The following IDI2 variants were observed in gnomAD, a reference collection of about 807,000 sequenced individuals.
IDI2 encodes isopentenyl-diphosphate delta-isomerase 2.
A neutral mutation model predicts 14.8 loss-of-function variants in IDI2; 18 were observed. That is an observed-to-expected ratio of 1.22 (90% CI 0.84 to 1.80). The LOEUF is 1.80. IDI2 is among the 40% of genes most tolerant of loss of function. IDI2 has a pLI of 0.00. For synonymous variants in IDI2, 133 were observed against 109.6 expected (o/e 1.21, Z -1.33); for missense variants, 316 against 283.2 (o/e 1.12, Z -0.83).
Position 1,022,752 on chromosome 10 carries a change from C to A in IDI2, c.166G>T (p.Val56Phe), listed in dbSNP as rs746906105. The A allele has an allele frequency of 6.2e-7, 1 of 1,613,928 alleles. No individual in the cohort carries two copies. Among genetic ancestry groups the A allele is most frequent in the East Asian group, 2.2e-5 (1 of 44,892 alleles). The change falls in exon 3 of 5, where the codon GTT becomes TTT. Residue 56 changes from valine (V) to phenylalanine (F), a missense_variant. Transcript: ENST00000277517. ...CGATTCTTGGTGTTAAACAAGACAA[C>A]GCTGAAGGCTCGGTGCAGCAGCCCT... Reference protein sequence around the residue: ...EKGLLHRAFSVVLFNTKNRIL... With the variant: ...EKGLLHRAFSFVLFNTKNRIL...
rs1352258987 is a variant in IDI2, at chr10:1,022,779, C to T, written c.143-4G>A. On this transcript the variant is annotated splice_region_variant and splice_polypyrimidine_tract_variant and intron_variant, in intron 2 of 4. Coordinates refer to ENST00000277517, the MANE Select transcript of IDI2 (RefSeq NM_033261.3). Reference sequence around the variant, plus strand: ...CTGAAGGCTCGGTGCAGCAGCCCTGCAAAGGTAAGTGCCATTTGTGTGAGT... The same window carrying T: ...CTGAAGGCTCGGTGCAGCAGCCCTGTAAAGGTAAGTGCCATTTGTGTGAGT... 6.2e-7 allele frequency: 1 copy of T among 1,611,722 alleles called. No individual in the cohort carries two copies. The highest frequency in any genetic ancestry group is 8.5e-7 in the Non-Finnish European group (1 of 1,177,856).
Position 1,019,803 on chromosome 10 carries a change from A to T in IDI2, c.398T>A (p.Ile133Asn). 3 of 1,614,044 alleles carry T rather than the reference A, an allele frequency of 1.9e-6. No homozygotes were observed. The highest frequency in any genetic ancestry group is 2.5e-6 in the Non-Finnish European group (3 of 1,179,918). The change falls in exon 5 of 5, where the codon ATC becomes AAC. Residue 133 changes from isoleucine (I) to asparagine (N), a missense_variant. Physicochemically the swap from Ile to Asn is moderately radical, Grantham distance 149 (BLOSUM62 -3). Transcript: ENST00000277517. ...GTCTGATTTTGCCTTGTGGTGATAG[A>T]TTGTCATGAACACAATGTCCTCTGG... Reference protein sequence around the residue: ...ISPEDIVFMTIYHHKAKSDRI... With the variant: ...ISPEDIVFMTNYHHKAKSDRI...
In IDI2 at chr10:1,024,706, A is replaced by G; in HGVS notation, c.18T>C (p.Leu6=). The G allele has an allele frequency of 6.2e-7, 1 of 1,614,220 alleles. No individual in the cohort carries two copies. The highest frequency in any genetic ancestry group is 1.1e-5 in the South Asian group (1 of 91,084). MSDIN[L]DWVDRRQLQR... ...GCAACTGACGCCTGTCAACCCAGTC[A>G]AGATTTATGTCAGACATAGCTGCTG... The change falls in exon 2 of 5, where the codon CTT becomes CTC. Residue 6 remains leucine (L), a synonymous_variant. Coordinates refer to ENST00000277517, the MANE Select transcript of IDI2 (RefSeq NM_033261.3).
chr10:1,025,536 T>C (rs566029056), intron 1 of IDI2, among the ~76,000 whole-genome samples: 153 of 134,786 alleles, frequency 1.1e-3, no homozygotes, highest in African/African-American at 3.9e-3. Flanking sequence ...AGTGAGACTC[T>C]GTCTCAAAAA....
rs753678635 is a variant in IDI2 at position 1,020,938 on chromosome 10, A to G, written c.236-41T>C. On this transcript the variant is annotated intron_variant, in intron 3 of 4. Coordinates refer to ENST00000277517, the MANE Select transcript of IDI2 (RefSeq NM_033261.3). ...GTGGGAACATCCCTCTTTATTCCTG[A>G]AAAGTGAATATATTAAATACAAATG... is the stretch of plus-strand genomic sequence containing the variant. The G allele has an allele frequency of 2.5e-6, 4 of 1,589,836 alleles. No homozygotes were observed. The East Asian group carries it at 6.7e-5, about 27-fold the overall frequency.
At position 1,019,440 on chromosome 10, in the gene IDI2, A is replaced by T. The variant is rs1267986471; in HGVS notation, c.*77T>A. 2.6e-6 allele frequency: 3 copies of T among 1,164,582 alleles called. No individual in the cohort carries two copies. In the African/African-American group the frequency reaches 4.7e-5, roughly 18 times the overall value. The allele number at this position is 1,164,582 out of a possible 1,614,324, so 72.1% of individuals were successfully genotyped here. A position where few individuals can be genotyped will look rare whatever the true frequency, so the allele number is the denominator to read the frequency against. On this transcript the variant is annotated 3_prime_UTR_variant, in exon 5 of 5. Coordinates refer to ENST00000277517, the MANE Select transcript of IDI2 (RefSeq NM_033261.3). The stretch of plus-strand genomic sequence containing the variant: ...GCCCCTTTTGCCCTGTTTTTTGGAG[A>T]GGGTGTATCATTGCCTCAATGGTGC...
intron 3 of IDI2, among the ~76,000 whole-genome samples, chr10:1,021,614 G>A (rs1589036740): frequency 6.6e-6 from 1 of 152,314 alleles, no homozygotes; most frequent in East Asian, 1.9e-4. Flanking sequence ...ACACATGATA[G>A]GAAATCTTAG....
Position 1,024,658 on chromosome 10 carries a change from A to G in IDI2, c.66T>C (p.Ile22=), listed in dbSNP as rs1832179427. The change falls in exon 2 of 5, where the codon ATT becomes ATC. Residue 22 remains isoleucine, a synonymous_variant. Transcript: ENST00000277517. ...TAACCTTATCATTCTCATCCACAAC[A>G]ATCAGCATTTCCTCCAAGCGCTGCA... The part of the protein sequence containing the change: ...RQLQRLEEML[I]VVDENDKVIG... 1.2e-6 allele frequency: 2 copies of G among 1,614,066 alleles called. No homozygotes were observed. Among genetic ancestry groups the G allele is most frequent in the Non-Finnish European group, 1.7e-6 (2 of 1,179,992 alleles).
At chr10:1,023,692 A>G (rs1287413721) in intron 2 of IDI2, among the ~76,000 whole-genome samples, 1 of 152,308 alleles carries the variant, frequency 6.6e-6, no homozygotes, top group African/African-American at 2.4e-5. Flanking sequence ...GGATGACGAG[A>G]GGGTGGTTAA....
At chr10:1,020,616 C>T in intron 4 of IDI2, 151 bp downstream of exon 4, 1 of 740,454 alleles carries the variant, frequency 1.4e-6, no homozygotes, top group Middle Eastern at 4.0e-4. Context: ...CCATTCACAG[C>T]TCATTCACAG....
Position 1,019,445 on chromosome 10 carries a change from G to T in IDI2, c.*72C>A. The stretch of plus-strand genomic sequence containing the variant: ...TTTTGCCCTGTTTTTTGGAGAGGGT[G>T]TATCATTGCCTCAATGGTGCGTCTG... On this transcript the variant is annotated 3_prime_UTR_variant, in exon 5 of 5. Transcript: ENST00000277517. 2 of 1,246,604 alleles carry T rather than the reference G, an allele frequency of 1.6e-6. No individual in the cohort carries two copies. The highest frequency in any genetic ancestry group is 2.2e-6 in the Non-Finnish European group (2 of 896,750). 77.2% of individuals were successfully genotyped at this position (1,246,604 alleles called of 1,614,324 possible).
chr10:1,024,750 A>C lies in IDI2; in HGVS notation c.-21-6T>G, dbSNP rs202229054. ...GCTGCTGGCTGTGACCCGACCTGAA[A>C]TAGATGCACACAAATGCCTCTTTAT... On this transcript the variant is annotated splice_polypyrimidine_tract_variant and splice_region_variant and intron_variant, in intron 1 of 4. Transcript: ENST00000277517. 6.2e-7 allele frequency: 1 copy of C among 1,613,464 alleles called. No individual in the cohort carries two copies. The highest frequency in any genetic ancestry group is 1.1e-5 in the South Asian group (1 of 91,026).
chr10:1,022,186 G>C (rs1011697504), intron 3 of IDI2, among the ~76,000 whole-genome samples: 1 of 151,926 alleles, frequency 6.6e-6, no homozygotes, highest in Non-Finnish European at 1.5e-5. Context: ...GTGAACCCAG[G>C]AGGCGGGGCT....
chr10:1,020,757 C>T lies in IDI2; in HGVS notation c.366+10G>A. The T allele has an allele frequency of 1.2e-6, 2 of 1,604,760 alleles. No individual in the cohort carries two copies. Among genetic ancestry groups the T allele is most frequent in the Non-Finnish European group, 8.5e-7 (1 of 1,175,994 alleles). On this transcript the variant is annotated intron_variant, in intron 4 of 4. Coordinates refer to ENST00000277517, the MANE Select transcript of IDI2 (RefSeq NM_033261.3). ...CCGTGGACACAGCTGAGACTGGATG[C>T]TGTGTGTACCTGCTCCCCAGGAATT...
chr10:1,023,319 C>CA (rs941871823), intron 2 of IDI2, among the ~76,000 whole-genome samples: 39 of 151,864 alleles, frequency 2.6e-4, no homozygotes, highest in African/African-American at 9.4e-4. Context: ...ACTAAAAATA[C>CA]AAAAAAATTA....
intron 3 of IDI2, among the ~76,000 whole-genome samples, chr10:1,021,168 G>A (rs1055793358): frequency 6.6e-6 from 1 of 152,132 alleles, no homozygotes; most frequent in African/African-American, 2.4e-5. Context: ...CACATGTCCC[G>A]TGGCACTATC....
At chr10:1,024,214 A>G (rs547238700) in intron 2 of IDI2, among the ~76,000 whole-genome samples, 4 of 152,232 alleles carry the variant, frequency 2.6e-5, no homozygotes, top group Non-Finnish European at 5.9e-5. Flanking sequence ...CGACCTAACA[A>G]GACCTGCTGA....
intron 4 of IDI2, 91 bp downstream of exon 4, chr10:1,020,676 T>C: frequency 7.6e-7 from 1 of 1,307,802 alleles, no homozygotes; most frequent in South Asian, 1.5e-5. Context: ...ATGAGGTCAA[T>C]GGTGTAGATC....
intron 4 of IDI2, among the ~76,000 whole-genome samples, chr10:1,020,250 G>A (rs1441522091): frequency 6.6e-6 from 1 of 150,398 alleles, no homozygotes; most frequent in East Asian, 2.0e-4. Flanking sequence ...TTGAGATGGA[G>A]TCTCGCTCTG....
Sources: allele counts gnomAD v4.1 joint callset (sites outside exome capture counted in the v4.1 genomes callset), GRCh38; gene constraint gnomAD v4.1.1; transcripts MANE v1.5; gene names NCBI Gene and HGNC (gene_info 2026-07-23, HGNC 2026-07-21).